PCDH15: variants seen among roughly 807,000 people sequenced by gnomAD.
The protein encoded by PCDH15 is protocadherin-15.
PCDH15 carries 129 observed loss-of-function variants against 178.5 expected under a neutral mutation model. The ratio of observed to expected loss-of-function variants is 0.72; its 90% CI spans 0.63 to 0.84. The LOEUF (loss-of-function observed/expected upper bound fraction) is 0.84. Among genes scored for constraint, PCDH15 ranks in the 40% least tolerant of loss-of-function variants. The probability of loss-of-function intolerance (pLI) is 0.00; values close to 1 mark genes in which losing one functional copy is unlikely to be tolerated. For synonymous variants in PCDH15, 800 were observed against 732.0 expected, an observed-to-expected ratio of 1.09 and a Z score of -1.50; for missense variants, 2,230 against 2,099.9, an observed-to-expected ratio of 1.06 and a Z score of -1.21.
chr10:55,510,681 G>A (rs1347351306), intron 2 of PCDH15, among the ~76,000 whole-genome samples: 8 of 151,740 alleles, frequency 5.3e-5, no homozygotes, highest in Non-Finnish European at 1.0e-4. Context: ...AAAAATAACA[G>A]AGAATAGTGG....
intron 2 of PCDH15, among the ~76,000 whole-genome samples, chr10:55,164,040 G>A (rs1223584470): frequency 2.0e-5 from 3 of 152,066 alleles, no homozygotes; most frequent in South Asian, 4.1e-4. Context: ...ACCCCTTTCC[G>A]GTTACATAAC....
chr10:54,782,682 C>T (rs1173553644), intron 1 of PCDH15, among the ~76,000 whole-genome samples: 1 of 151,968 alleles, frequency 6.6e-6, no homozygotes, highest in Non-Finnish European at 1.5e-5. Flanking sequence ...AGCTTATACA[C>T]GACCTCAGGG....
At chr10:54,342,676 T>G (rs1288784844) in intron 6 of PCDH15, among the ~76,000 whole-genome samples, 1 of 152,120 alleles carries the variant, frequency 6.6e-6, no homozygotes, top group East Asian at 1.9e-4. Flanking sequence ...CATCATGTGC[T>G]TGGAAAAACC....
chr10:54,567,277 G>T (rs1028694409), intron 2 of PCDH15, among the ~76,000 whole-genome samples: 1 of 152,006 alleles, frequency 6.6e-6, no homozygotes, highest in Non-Finnish European at 1.5e-5. Flanking sequence ...CTCCCAGTTT[G>T]TAGCTTGTCT....
chr10:55,063,637 T>TA (rs1841495215), intron 2 of PCDH15, among the ~76,000 whole-genome samples: 1 of 152,152 alleles, frequency 6.6e-6, no homozygotes, highest in Admixed American at 6.6e-5. Flanking sequence ...CTTGTATTAT[T>TA]AAAATTAATT....
At chr10:54,212,661 G>A (rs188519946) in intron 10 of PCDH15, among the ~76,000 whole-genome samples, 6 of 152,138 alleles carry the variant, frequency 3.9e-5, no homozygotes, top group Admixed American at 2.0e-4. Flanking sequence ...CATTTTATCT[G>A]ATTTATTTGA....
intron 3 of PCDH15, among the ~76,000 whole-genome samples, chr10:54,490,072 GA>G (rs1458311082): frequency 1.3e-5 from 2 of 152,172 alleles, no homozygotes; most frequent in Non-Finnish European, 2.9e-5. Flanking sequence ...TAATTGAAGA[GA>G]AATGTTGAGT....
In PCDH15 at chr10:54,022,979, A is replaced by T. The variant is rs397517453; in HGVS notation, c.2439T>A (p.Asp813Glu). The T allele has an allele frequency of 1.2e-6, 2 of 1,613,970 alleles. No homozygotes were observed. The highest frequency in any genetic ancestry group is 1.7e-6 in the Non-Finnish European group (2 of 1,179,870). The change falls in exon 19 of 38, where the codon GAT (aspartate) becomes GAA (glutamate). Residue 813 changes from aspartate to glutamate, a missense_variant. By Grantham distance (45) the Asp-to-Glu change is conservative (BLOSUM62 2). Transcript: ENST00000644397. The part of the protein sequence containing the change: ...LTLAIKVLDI[D>E]DNSPVFTNST... ...AATTGGTGAACACAGGACTGTTATC[A>T]TCAATGTCCAAAACCTTGATGGCCA...
intron 3 of PCDH15, among the ~76,000 whole-genome samples, chr10:54,394,047 GGAAA>G (rs1296632032): frequency 6.6e-6 from 1 of 151,568 alleles, no homozygotes; most frequent in South Asian, 2.1e-4. Flanking sequence ...GGAAGGTGAA[GGAAA>G]GAAAGAGAGA....
chr10:53,826,615 T>C (rs2076696078), intron 32 of PCDH15, among the ~76,000 whole-genome samples: 1 of 152,120 alleles, frequency 6.6e-6, no homozygotes, highest in East Asian at 1.9e-4. Context: ...TTTAAAATAC[T>C]GACAAACTGA....
At chr10:54,799,839 C>T (rs1713578413) in intron 1 of PCDH15, among the ~76,000 whole-genome samples, 1 of 152,038 alleles carries the variant, frequency 6.6e-6, no homozygotes, top group Admixed American at 6.6e-5. Flanking sequence ...AATAGTAAAA[C>T]CAATTTTCTG....
intron 2 of PCDH15, among the ~76,000 whole-genome samples, chr10:54,904,884 A>T (rs1023183683): frequency 6.6e-6 from 1 of 151,328 alleles, no homozygotes; most frequent in Non-Finnish European, 1.5e-5. Flanking sequence ...GGTATAAATT[A>T]AAAAAAACAA....
intron 2 of PCDH15, among the ~76,000 whole-genome samples, chr10:55,457,791 T>C (rs1839587608): frequency 8.8e-6 from 1 of 113,412 alleles, no homozygotes; most frequent in Non-Finnish European, 1.7e-5. Flanking sequence ...TAATCCTCTT[T>C]TGTATTTCCC....
At chr10:54,577,344 G>A (rs1233345645) in intron 2 of PCDH15, among the ~76,000 whole-genome samples, 3 of 150,592 alleles carry the variant, frequency 2.0e-5, no homozygotes, top group Non-Finnish European at 4.4e-5. Flanking sequence ...CACCCGCCTC[G>A]GCCTCCCAAA....
At chr10:53,981,988 C>T (rs1205327632) in intron 21 of PCDH15, among the ~76,000 whole-genome samples, 1 of 152,080 alleles carries the variant, frequency 6.6e-6, no homozygotes, top group East Asian at 1.9e-4. Flanking sequence ...AAACAAACAA[C>T]CCCATCAAAA....
upstream of PCDH15, among the ~76,000 whole-genome samples, chr10:55,320,649 C>T (rs891819888): frequency 3.9e-5 from 6 of 152,074 alleles, no homozygotes; most frequent in African/African-American, 1.2e-4. Context: ...TGCCACCCCC[C>T]CCAGAATTAG....
chr10:55,023,657 T>C (rs989661614), intron 2 of PCDH15, among the ~76,000 whole-genome samples: 3 of 152,112 alleles, frequency 2.0e-5, no homozygotes, highest in Non-Finnish European at 2.9e-5. Flanking sequence ...GACCTATTTG[T>C]TTCCTGCCTT....
chr10:54,173,789 CAGAT>C (rs1229304633), intron 13 of PCDH15, among the ~76,000 whole-genome samples: 1 of 152,002 alleles, frequency 6.6e-6, no homozygotes, highest in South Asian at 2.1e-4. Context: ...GTGAGAGAAA[CAGAT>C]AGTTTAACCA....
intron 15 of PCDH15, among the ~76,000 whole-genome samples, chr10:54,131,295 T>A (rs2042415501): frequency 6.6e-6 from 1 of 152,184 alleles, no homozygotes. Context: ...ATAAAATGTA[T>A]AATTTCTTGA....
Sources: allele counts gnomAD v4.1 joint callset (sites outside exome capture counted in the v4.1 genomes callset), GRCh38; gene constraint gnomAD v4.1.1; transcripts MANE v1.5; gene names NCBI Gene and HGNC (gene_info 2026-07-23, HGNC 2026-07-21).